The following USP34 variants were observed in gnomAD, a reference collection of about 807,000 sequenced individuals.
The protein encoded by USP34 is ubiquitin carboxyl-terminal hydrolase 34.
In USP34, 70 loss-of-function variants were observed where a neutral mutation model predicts 460.3. The ratio of observed to expected loss-of-function variants is 0.15; its 90% CI spans 0.13 to 0.19. The LOEUF is 0.19. Ranked by LOEUF, USP34 falls within the 10% of genes least tolerant of loss-of-function variation. The pLI is 1.00. For missense variants in USP34, 3,985 were observed against 4,236.2 expected (o/e 0.94, Z 1.65); for synonymous variants, 1,647 against 1,405.3 (o/e 1.17, Z -3.85).
chr2:61,308,627 G>C (rs1690486983), intron 27 of USP34, among the ~76,000 whole-genome samples: 1 of 152,120 alleles, frequency 6.6e-6, no homozygotes, highest in Non-Finnish European at 1.5e-5. Context: ...AAAGGGTCCA[G>C]TGCTAAATAC....
chr2:61,246,252 A>G, intron 50 of USP34, 72 bp downstream of exon 50: 1 of 1,264,832 alleles, frequency 7.9e-7, no homozygotes, highest in Non-Finnish European at 1.0e-6. Flanking sequence ...GTTTTTAGAA[A>G]ACTAAACACT....
chr2:61,449,976 G>A lies in USP34; in HGVS notation c.43+20674C>T, dbSNP rs951266449. On this transcript the variant is annotated intron_variant, in intron 1 of 79. Coordinates refer to ENST00000398571, the MANE Select transcript of USP34 (RefSeq NM_014709.4). ...AGCTACTCGGGAGGCTGAGGCTGGA[G>A]AATCACTTGAACCCAGGAGGCAGAG... is the stretch of plus-strand genomic sequence containing the variant. Among the ~76,000 whole-genome samples, 11 of 152,238 alleles carry A rather than the reference G, an allele frequency of 7.2e-5. No individual in the cohort carries two copies. In the East Asian group the frequency reaches 1.7e-3, roughly 24 times the overall value.
intron 1 of USP34, among the ~76,000 whole-genome samples, chr2:61,470,346 G>C (rs1226429587): frequency 6.6e-6 from 1 of 152,112 alleles, no homozygotes; most frequent in Non-Finnish European, 1.5e-5. Context: ...GCGGCGAGGG[G>C]TTCATTACTG....
chr2:61,198,950 T>C (rs952662300), intron 75 of USP34, among the ~76,000 whole-genome samples: 1 of 152,218 alleles, frequency 6.6e-6, no homozygotes, highest in South Asian at 2.1e-4. Context: ...TGCCTATTCA[T>C]GTCCTTTGCT....
intron 48 of USP34, among the ~76,000 whole-genome samples, chr2:61,248,927 A>C (rs1688495314): frequency 6.6e-6 from 1 of 152,236 alleles, no homozygotes; most frequent in African/African-American, 2.4e-5. Flanking sequence ...GCGAATTTAG[A>C]AATTAGGCAC....
rs775494039 is a variant in USP34, at chr2:61,223,175, C to T, written c.7645-11G>A. The T allele has an allele frequency of 1.9e-6, 3 of 1,613,094 alleles. No individual in the cohort carries two copies. The highest frequency in any genetic ancestry group is 1.1e-5 in the South Asian group (1 of 90,934). On this transcript the variant is annotated splice_polypyrimidine_tract_variant and intron_variant, in intron 63 of 79. Transcript: ENST00000398571. ...CAAGAAGGGAAATCCCTGTCAAAAG[C>T]AAAAGTTGTTCATTTAAGAACCGTT... is the stretch of plus-strand genomic sequence containing the variant.
At chr2:61,278,334 A>T in intron 40 of USP34, 49 bp from the exon 41 acceptor site, 1 of 1,609,412 alleles carries the variant, frequency 6.2e-7, no homozygotes, top group Non-Finnish European at 8.5e-7. Flanking sequence ...TCACATAATT[A>T]TGTCTTTTAT....
chr2:61,234,916 G>A (rs770516072), intron 57 of USP34, among the ~76,000 whole-genome samples: 5 of 152,138 alleles, frequency 3.3e-5, no homozygotes, highest in Admixed American at 6.5e-5. Flanking sequence ...GATTACAGGC[G>A]TGAGCCACCA....
At position 61,441,314 on chromosome 2, in the gene USP34, G is replaced by T. The variant is rs551232719; in HGVS notation, c.44-20481C>A. On this transcript the variant is annotated intron_variant, in intron 1 of 79. Coordinates refer to ENST00000398571, the MANE Select transcript of USP34 (RefSeq NM_014709.4). Reference sequence around the variant, plus strand: ...CACCACACCCAGGCTCTGCCCTTTGGAATTAAAGTCACCCAGGCAGGTTAA... The same window carrying T: ...CACCACACCCAGGCTCTGCCCTTTGTAATTAAAGTCACCCAGGCAGGTTAA... Among the ~76,000 whole-genome samples, 707 of 151,916 alleles carry T rather than the reference G, an allele frequency of 4.7e-3. 2 individuals are homozygous for T. Among genetic ancestry groups the T allele is most frequent in the Non-Finnish European group, 6.4e-3 (434 of 67,960 alleles).
At chr2:61,430,474 G>A (rs1694637868) in intron 1 of USP34, among the ~76,000 whole-genome samples, 1 of 152,154 alleles carries the variant, frequency 6.6e-6, no homozygotes, top group Non-Finnish European at 1.5e-5. Context: ...TTACGACAAT[G>A]CAGAGTTGGT....
intron 41 of USP34, among the ~76,000 whole-genome samples, chr2:61,272,142 C>T (rs1447723959): frequency 2.0e-5 from 3 of 152,074 alleles, no homozygotes; most frequent in African/African-American, 4.8e-5. Context: ...CCGGGCACGG[C>T]GGCTCACGCC....
chr2:61,220,015 T>C (rs1444164973), intron 67 of USP34, among the ~76,000 whole-genome samples: 1 of 151,866 alleles, frequency 6.6e-6, no homozygotes, highest in Non-Finnish European at 1.5e-5. Flanking sequence ...TCTCAAAAGT[T>C]ACTTTTAAGA....
At chr2:61,215,893 T>C (rs1687381612) in intron 67 of USP34, among the ~76,000 whole-genome samples, 1 of 152,212 alleles carries the variant, frequency 6.6e-6, no homozygotes, top group Non-Finnish European at 1.5e-5. Context: ...TGGCCAGAGC[T>C]GGGATTCAAA....
chr2:61,404,960 G>A (rs974274410), intron 3 of USP34, among the ~76,000 whole-genome samples: 1 of 152,156 alleles, frequency 6.6e-6, no homozygotes, highest in South Asian at 2.1e-4. Context: ...AGGGGTGGTG[G>A]CTCACGTCTG....
intron 1 of USP34, among the ~76,000 whole-genome samples, chr2:61,443,874 G>C (rs1695037688): frequency 6.6e-6 from 1 of 152,180 alleles, no homozygotes; most frequent in African/African-American, 2.4e-5. Context: ...TCTGGTGTCA[G>C]ATGTTGATAA....
chr2:61,436,565 G>GT (rs1431446382), intron 1 of USP34, among the ~76,000 whole-genome samples: 1 of 152,154 alleles, frequency 6.6e-6, no homozygotes, highest in Non-Finnish European at 1.5e-5. Context: ...AACATAATTA[G>GT]ATCTAACGGG....
In USP34 at chr2:61,447,254, CAAAAAAAAAA is replaced by C. The variant is rs763711140; in HGVS notation, c.43+23386_43+23395del. On this transcript the variant is annotated intron_variant, in intron 1 of 79. Transcript: ENST00000398571. ...TGGGCAACAGAGTGAAACTGTCTTC[CAAAAAAAAAA>C]AAAAAAAAAAAAAAAAAACCAGAAA... 5.8e-3 allele frequency among the ~76,000 whole-genome samples: 348 copies of C among 59,686 alleles called. 1 individual carries two copies. Among genetic ancestry groups the C allele is most frequent in the African/African-American group, 0.017 (288 of 17,010 alleles). 39.2% of individuals were successfully genotyped at this position (59,686 alleles called of 152,430 possible). A position where few individuals can be genotyped will look rare whatever the true frequency, so the allele number is the denominator to read the frequency against.
chr2:61,215,583 A>T (rs1393206003), intron 67 of USP34, among the ~76,000 whole-genome samples: 1 of 152,204 alleles, frequency 6.6e-6, no homozygotes, highest in Non-Finnish European at 1.5e-5. Flanking sequence ...TAAACTTCTC[A>T]TTTAATCCTC....
In USP34 at chr2:61,339,547, G is replaced by A; in HGVS notation, c.2616+19C>T. On this transcript the variant is annotated intron_variant, in intron 17 of 79. Coordinates refer to ENST00000398571, the MANE Select transcript of USP34 (RefSeq NM_014709.4). The stretch of plus-strand genomic sequence containing the variant: ...CTTGCTGAAATTTCTTACTCTTCTG[G>A]TTCTATTAAATAACTTACTGCATCT... 1 of 1,567,134 alleles carries A rather than the reference G, an allele frequency of 6.4e-7. No homozygotes were observed. Among genetic ancestry groups the A allele is most frequent in the Non-Finnish European group, 8.6e-7 (1 of 1,162,392 alleles).
Sources: allele counts gnomAD v4.1 joint callset (sites outside exome capture counted in the v4.1 genomes callset), GRCh38; gene constraint gnomAD v4.1.1; transcripts MANE v1.5; gene names NCBI Gene and HGNC (gene_info 2026-07-23, HGNC 2026-07-21).